The following TIMM9 variants were observed in gnomAD, a reference collection of about 807,000 sequenced individuals.
TIMM9 encodes the protein mitochondrial import inner membrane translocase subunit Tim9.
Under a neutral mutation model 13.4 loss-of-function variants are expected in TIMM9, and 10 were observed. That is an observed-to-expected ratio of 0.75 (90% CI 0.46 to 1.26). The LOEUF (loss-of-function observed/expected upper bound fraction) is 1.26. TIMM9 is among the 50% of genes most tolerant of loss of function. TIMM9 has a pLI of 0.00. For synonymous variants in TIMM9, 32 were observed against 32.1 expected, an observed-to-expected ratio of 1.00 and a Z score of 0.01; for missense variants, 87 against 100.8, an observed-to-expected ratio of 0.86 and a Z score of 0.58.
chr14:58,423,501 C>A (rs1223415612), intron 3 of TIMM9, among the ~76,000 whole-genome samples: 1 of 106,824 alleles, frequency 9.4e-6, no homozygotes, highest in Non-Finnish European at 1.7e-5. Context: ...GGTGACAGAG[C>A]GAGACTTTGT....
At chr14:58,426,204 T>C (rs2036780409) in intron 2 of TIMM9, among the ~76,000 whole-genome samples, 1 of 151,234 alleles carries the variant, frequency 6.6e-6, no homozygotes, top group East Asian at 1.9e-4. Context: ...GCCCTTAAAG[T>C]CTTTTTTTTT....
chr14:58,420,654 A>G (rs999668670), intron 3 of TIMM9, among the ~76,000 whole-genome samples: 1 of 151,954 alleles, frequency 6.6e-6, no homozygotes, highest in Non-Finnish European at 1.5e-5. Context: ...TTAGCCGGGC[A>G]TGGTGGTGCA....
At position 58,411,830 on chromosome 14, in the gene TIMM9, C is replaced by A. The variant is rs563318496; in HGVS notation, c.39+77G>T. 26 of 1,395,576 alleles carry A rather than the reference C, an allele frequency of 1.9e-5. No individual in the cohort carries two copies. The African/African-American group carries it at 3.1e-4, about 17-fold the overall frequency. The allele number at this position is 1,395,576 out of a possible 1,614,324, so 86.4% of individuals were successfully genotyped here. A position where few individuals can be genotyped will look rare whatever the true frequency, so the allele number is the denominator to read the frequency against. On this transcript the variant is annotated intron_variant, in intron 4 of 5. Transcript: ENST00000395159. ...GGGATTACAGATGTGAGCCACTGCA[C>A]CCAGCCTGACATGGTGGCATTAGTA...
intron 4 of TIMM9, among the ~76,000 whole-genome samples, 198 bp from the exon 5 acceptor site, chr14:58,411,136 TTATCAG>T (rs1288012238): frequency 7.2e-5 from 11 of 152,198 alleles, no homozygotes; most frequent in Non-Finnish European, 1.0e-4. Context: ...TTTTCCTTGA[TTATCAG>T]TCAGATTAAA....
At chr14:58,414,317 G>C (rs1370616601) in intron 3 of TIMM9, among the ~76,000 whole-genome samples, 1 of 152,104 alleles carries the variant, frequency 6.6e-6, no homozygotes, top group Non-Finnish European at 1.5e-5. Context: ...TTAGGACAAA[G>C]TGTATGCCAC....
chr14:58,411,571 GCT>G (rs2036217390), intron 4 of TIMM9, among the ~76,000 whole-genome samples: 1 of 150,374 alleles, frequency 6.7e-6, no homozygotes, highest in Non-Finnish European at 1.5e-5. Context: ...ATGGAGTCTT[GCT>G]CTGTCACCCA....
At chr14:58,417,249 C>G (rs2036441131) in intron 3 of TIMM9, among the ~76,000 whole-genome samples, 1 of 151,694 alleles carries the variant, frequency 6.6e-6, no homozygotes, top group African/African-American at 2.4e-5. Flanking sequence ...TATGTCTTTA[C>G]CAGCAGTGTG....
chr14:58,409,846 G>A (rs1278143574), intron 5 of TIMM9, among the ~76,000 whole-genome samples: 1 of 152,112 alleles, frequency 6.6e-6, no homozygotes, highest in African/African-American at 2.4e-5. Context: ...CCAATGTGCT[G>A]AAGTTCCAGG....
intron 3 of TIMM9, among the ~76,000 whole-genome samples, chr14:58,412,816 G>A (rs530807238): frequency 6.6e-6 from 1 of 152,102 alleles, no homozygotes; most frequent in South Asian, 2.1e-4. Flanking sequence ...CAGGAGAATC[G>A]CTTGAACTCA....
At chr14:58,427,322 GCTTT>G in intron 1 of TIMM9, 66 bp downstream of exon 1, 1 of 349,172 alleles carries the variant, frequency 2.9e-6, no homozygotes, top group Middle Eastern at 8.1e-4. Flanking sequence ...CTTAGACAAC[GCTTT>G]CTATTCCCGA....
At position 58,427,418 on chromosome 14, in the gene TIMM9, G is replaced by A; in HGVS notation, c.-330C>T. ...TAATCCCACGTCCCTAACGGTCTTC[G>A]GAAGCGAAGCAGTGTCAACAGTCCC... On this transcript the variant is annotated 5_prime_UTR_variant, in exon 1 of 6. Transcript: ENST00000395159. 1.7e-6 allele frequency: 1 copy of A among 592,498 alleles called. No individual in the cohort carries two copies. The highest frequency in any genetic ancestry group is 2.9e-6 in the Non-Finnish European group (1 of 343,174). The allele number at this position is 592,498 out of a possible 1,614,324, so 36.7% of individuals were successfully genotyped here. A position where few individuals can be genotyped will look rare whatever the true frequency, so the allele number is the denominator to read the frequency against.
In TIMM9 at chr14:58,423,502, G is replaced by A. The variant is rs201323754; in HGVS notation, c.-27+506C>T. 2.5e-4 allele frequency among the ~76,000 whole-genome samples: 29 copies of A among 117,656 alleles called. No individual in the cohort carries two copies. In the East Asian group the frequency reaches 5.1e-3, roughly 21 times the overall value. The allele number at this position is 117,656 out of a possible 152,430, so 77.2% of individuals were successfully genotyped here. ...TGCATTCCAGCCTGGGTGACAGAGC[G>A]AGACTTTGTCTCAAAAAAAAAAAAA... On this transcript the variant is annotated intron_variant, in intron 3 of 5. Coordinates refer to ENST00000395159, the MANE Select transcript of TIMM9 (RefSeq NM_012460.4).
intron 3 of TIMM9, among the ~76,000 whole-genome samples, chr14:58,421,667 C>G (rs888927164): frequency 8.5e-5 from 13 of 152,134 alleles, no homozygotes; most frequent in African/African-American, 3.1e-4. Flanking sequence ...TGTTAGCAAG[C>G]ATTCCAAGCT....
intron 3 of TIMM9, among the ~76,000 whole-genome samples, chr14:58,417,324 G>GAGAAA (rs543851226): frequency 1.0e-3 from 152 of 151,666 alleles, no homozygotes; most frequent in Non-Finnish European, 2.5e-4. Flanking sequence ...AAAAGAAAGA[G>GAGAAA]AGAAAAGAAA....
At chr14:58,420,316 A>G (rs959163426) in intron 3 of TIMM9, among the ~76,000 whole-genome samples, 3 of 152,248 alleles carry the variant, frequency 2.0e-5, no homozygotes, top group South Asian at 4.1e-4. Flanking sequence ...CATAACTGAC[A>G]AAGAACTAAT....
chr14:58,413,500 ACTAATCAGAGACTT>A (rs2036287918), intron 3 of TIMM9, among the ~76,000 whole-genome samples: 1 of 152,244 alleles, frequency 6.6e-6, no homozygotes, highest in African/African-American at 2.4e-5. Context: ...AATCACAGAG[ACTAATCAGAGACTT>A]CTAATTATAA....
At chr14:58,413,780 G>A (rs1388629273) in intron 3 of TIMM9, among the ~76,000 whole-genome samples, 5 of 152,014 alleles carry the variant, frequency 3.3e-5, no homozygotes. Context: ...GGCTGAGGCG[G>A]GCAGATTACG....
rs796073653 is a variant in TIMM9 at position 58,409,234 on chromosome 14, TC to T, written c.136-67del. 59 of 1,566,634 alleles carry T rather than the reference TC, an allele frequency of 3.8e-5. No homozygotes were observed. The African/African-American group carries it at 7.5e-4, about 20-fold the overall frequency. The stretch of plus-strand genomic sequence containing the variant: ...TATGAATTTTTTAAAATGCATGTAT[TC>T]TAAAAGAATCAGTGGGGTAGTTTGC... On this transcript the variant is annotated intron_variant, in intron 5 of 5. Transcript: ENST00000395159.
intron 2 of TIMM9, among the ~76,000 whole-genome samples, chr14:58,425,821 T>TA (rs1490193142): frequency 2.6e-4 from 40 of 151,928 alleles, no homozygotes; most frequent in Admixed American, 5.2e-4. Context: ...AAAATGTAAC[T>TA]AAAATAAAAA....
Sources: gnomAD v4.1 joint callset for allele counts (sites outside exome capture counted in the v4.1 genomes callset) on GRCh38, gnomAD v4.1.1 for gene constraint, MANE v1.5 for transcripts, NCBI Gene and HGNC (gene_info 2026-07-23, HGNC 2026-07-21) for gene names.